EPB41: variants seen among roughly 807,000 people sequenced by gnomAD.
The protein encoded by EPB41 is erythrocyte membrane protein band 4.1.
A neutral mutation model predicts 108.0 loss-of-function variants in EPB41; 65 were observed. The ratio of observed to expected loss-of-function variants is 0.60; its 90% CI spans 0.49 to 0.74. EPB41 has a LOEUF of 0.74. Among genes scored for constraint, EPB41 ranks in the 30% least tolerant of loss-of-function variants. The probability of loss-of-function intolerance (pLI) is 0.00; values close to 1 mark genes in which losing one functional copy is unlikely to be tolerated. For synonymous variants in EPB41, 336 were observed against 358.9 expected, an observed-to-expected ratio of 0.94 and a Z score of 0.72; for missense variants, 875 against 1,037.0, an observed-to-expected ratio of 0.84 and a Z score of 2.15.
intron 11 of EPB41, among the ~76,000 whole-genome samples, chr1:29,049,361 G>A (rs1644085123): frequency 6.6e-6 from 1 of 152,140 alleles, no homozygotes; most frequent in South Asian, 2.1e-4. Flanking sequence ...AAAAGAAAGG[G>A]CCACACAACC....
intron 1 of EPB41, among the ~76,000 whole-genome samples, chr1:28,971,180 C>CTTTTTTTT (rs1000130058): frequency 3.5e-3 from 235 of 66,236 alleles, no homozygotes; most frequent in Non-Finnish European, 4.4e-3. Flanking sequence ...TTCTTTCTTT[C>CTTTTTTTT]TTTTTTTTTT....
chr1:29,101,043 G>A (rs1665178029), intron 17 of EPB41, among the ~76,000 whole-genome samples: 1 of 151,966 alleles, frequency 6.6e-6, no homozygotes, highest in African/African-American at 2.4e-5. Context: ...TGACCAACAT[G>A]GTGAAACCCC....
intron 1 of EPB41, among the ~76,000 whole-genome samples, chr1:28,951,977 C>A (rs184976022): frequency 2.6e-5 from 4 of 152,262 alleles, no homozygotes; most frequent in Non-Finnish European, 4.4e-5. Flanking sequence ...TGATTTCAAT[C>A]TATGGAGAGT....
At chr1:29,068,523 G>GCTATTA (rs1175694259) in intron 16 of EPB41, among the ~76,000 whole-genome samples, 3 of 152,148 alleles carry the variant, frequency 2.0e-5, no homozygotes, top group Non-Finnish European at 4.4e-5. Flanking sequence ...TTAGCTCTAT[G>GCTATTA]CTATTACCCC....
At chr1:29,089,897 G>A in intron 16 of EPB41, among the ~76,000 whole-genome samples, 1 of 152,088 alleles carries the variant, frequency 6.6e-6, no homozygotes, top group East Asian at 1.9e-4. Context: ...TTTGAGATGA[G>A]AAAGAAGGAA....
chr1:29,029,691 C>T (rs1284756918), intron 7 of EPB41, among the ~76,000 whole-genome samples: 4 of 152,100 alleles, frequency 2.6e-5, no homozygotes, highest in South Asian at 2.1e-4. Flanking sequence ...ACTGTCACAG[C>T]GAGTGTTTAG....
chr1:28,899,644 G>C lies in EPB41; in HGVS notation c.-8+12434G>C, dbSNP rs571302749. Among the ~76,000 whole-genome samples, 4 of 152,240 alleles carry C rather than the reference G, an allele frequency of 2.6e-5. No individual in the cohort carries two copies. In the South Asian group the frequency reaches 8.3e-4, roughly 32 times the overall value. On this transcript the variant is annotated intron_variant, in intron 1 of 16. Coordinates refer to the EPB41 transcript ENST00000347529. Reference sequence around the variant, plus strand: ...GACTTGAAGACTTCCACAGATGCTGGGAAATAGGCCTAAAAGAGAAAACCT... The same window carrying C: ...GACTTGAAGACTTCCACAGATGCTGCGAAATAGGCCTAAAAGAGAAAACCT...
rs2092456487 is a variant in EPB41, at chr1:28,914,690, G to C, written c.-86G>C. 2 of 152,162 alleles carry C rather than the reference G, an allele frequency of 1.3e-5. No individual in the cohort carries two copies. The highest frequency in any genetic ancestry group is 2.9e-5 in the Non-Finnish European group (2 of 67,972). 9.4% of individuals were successfully genotyped at this position (152,162 alleles called of 1,614,324 possible). On this transcript the variant is annotated 5_prime_UTR_variant, in exon 1 of 21. Coordinates refer to ENST00000343067, the MANE Select transcript of EPB41 (RefSeq NM_001376013.1). ...GCGAGCCGCAGAGGGCCCGAGCCTCGGACGCCGGCGCCTCCTCCTGCCATT... is the reference window on the plus strand; with the variant it reads ...GCGAGCCGCAGAGGGCCCGAGCCTCCGACGCCGGCGCCTCCTCCTGCCATT...
rs181984964 is a variant in EPB41 at position 28,975,607 on chromosome 1, A to G, written c.-7-11824A>G. ...AACAATTTAGCATGATATTCAAGTC[A>G]TTTCATAATGTGTCTTTGCCTGTCT... On this transcript the variant is annotated intron_variant, in intron 1 of 20. Transcript: ENST00000343067. 2.9e-3 allele frequency among the ~76,000 whole-genome samples: 441 copies of G among 152,212 alleles called. 3 individuals are homozygous for G. Among genetic ancestry groups the G allele is most frequent in the African/African-American group, 0.01 (423 of 41,550 alleles).
chr1:29,114,352 C>T (rs1408424817), intron 19 of EPB41, among the ~76,000 whole-genome samples: 1 of 152,136 alleles, frequency 6.6e-6, no homozygotes. Flanking sequence ...GTTAAAATCC[C>T]TATTGCACGG....
intron 4 of EPB41, among the ~76,000 whole-genome samples, chr1:29,010,258 G>A (rs2096477773): frequency 6.6e-6 from 1 of 152,152 alleles, no homozygotes; most frequent in Non-Finnish European, 1.5e-5. Context: ...AGAATTGCTT[G>A]AACCCGGGAG....
intron 16 of EPB41, among the ~76,000 whole-genome samples, chr1:29,094,688 T>C (rs1662568760): frequency 1.3e-5 from 2 of 152,236 alleles, no homozygotes; most frequent in Admixed American, 1.3e-4. Context: ...ATTTTTCAAA[T>C]GACTAATTCA....
At chr1:29,058,925 C>T (rs934529120) in intron 14 of EPB41, 73 bp downstream of exon 14, 4 of 1,245,116 alleles carry the variant, frequency 3.2e-6, no homozygotes, top group African/African-American at 1.5e-5. Flanking sequence ...ATTAAAAAGA[C>T]AGTGATCCAT....
At chr1:29,108,579 C>T (rs1416938051) in intron 17 of EPB41, among the ~76,000 whole-genome samples, 1 of 151,510 alleles carries the variant, frequency 6.6e-6, no homozygotes, top group Non-Finnish European at 1.5e-5. Flanking sequence ...TATTTTTAGA[C>T]AGAGTCTCAC....
intron 16 of EPB41, among the ~76,000 whole-genome samples, chr1:29,083,327 A>C (rs1657497767): frequency 6.6e-6 from 1 of 152,246 alleles, no homozygotes; most frequent in African/African-American, 2.4e-5. Context: ...TTGTTAGTTT[A>C]TCCCCATCTT....
chr1:28,997,826 A>G (rs977880521), intron 4 of EPB41, among the ~76,000 whole-genome samples: 5 of 152,156 alleles, frequency 3.3e-5, no homozygotes, highest in African/African-American at 4.8e-5. Context: ...ATTTCCTCCA[A>G]CCTAAAAGGA....
chr1:29,062,229 A>G (rs913810787), intron 15 of EPB41, among the ~76,000 whole-genome samples: 2 of 152,140 alleles, frequency 1.3e-5, no homozygotes, highest in African/African-American at 4.8e-5. Context: ...GATTTCCTTT[A>G]TTTGGCAGTG....
At chr1:28,912,052 A>T (rs182313411), upstream of EPB41, among the ~76,000 whole-genome samples, 1 of 152,198 alleles carries the variant, frequency 6.6e-6, no homozygotes, top group Non-Finnish European at 1.5e-5. Flanking sequence ...TTCTCAAAAA[A>T]AAACAGGTGC....
At chr1:29,055,041 A>AAAT (rs1301558322) in intron 12 of EPB41, among the ~76,000 whole-genome samples, 1 of 152,212 alleles carries the variant, frequency 6.6e-6, no homozygotes, top group African/African-American at 2.4e-5. Flanking sequence ...CCGTCTCAAA[A>AAAT]AATAATAATA....
Sources: gnomAD v4.1 joint callset for allele counts (sites outside exome capture counted in the v4.1 genomes callset) on GRCh38, gnomAD v4.1.1 for gene constraint, MANE v1.5 for transcripts, NCBI Gene and HGNC (gene_info 2026-07-23, HGNC 2026-07-21) for gene names.